Variants in MAPK8 observed in about 807,000 individuals in gnomAD.
MAPK8 encodes mitogen-activated protein kinase 8.
A neutral mutation model predicts 52.9 loss-of-function variants in MAPK8; 13 were observed. The observed-to-expected ratio is 0.25, with a 90% CI of 0.16 to 0.39. The LOEUF (loss-of-function observed/expected upper bound fraction) is 0.39. MAPK8 is among the 10% of genes least tolerant of loss of function. The probability of loss-of-function intolerance (pLI) is 1.00; values close to 1 mark genes in which losing one functional copy is unlikely to be tolerated. For missense variants in MAPK8, 300 were observed against 519.2 expected, an observed-to-expected ratio of 0.58 and a Z score of 4.10; for synonymous variants, 191 against 169.8, an observed-to-expected ratio of 1.12 and a Z score of -0.97.
intron 1 of MAPK8, among the ~76,000 whole-genome samples, chr10:48,353,514 C>G (rs918770437): frequency 1.3e-5 from 2 of 152,158 alleles, no homozygotes; most frequent in Admixed American, 1.3e-4. Context: ...GGTACTGGCA[C>G]AGTTGGATAG....
chr10:48,374,982 A>G (rs556967124), intron 1 of MAPK8, among the ~76,000 whole-genome samples: 2 of 152,346 alleles, frequency 1.3e-5, no homozygotes, highest in Admixed American at 6.5e-5. Flanking sequence ...TGATGTGAAA[A>G]TCCTCAATAA....
In MAPK8 at chr10:48,427,152, G is replaced by A. The variant is rs544623068; in HGVS notation, c.1060+9G>A. 1.6e-5 allele frequency: 26 copies of A among 1,605,020 alleles called. 1 individual carries two copies. Among genetic ancestry groups the A allele is most frequent in the Admixed American group, 1.0e-4 (6 of 59,942 alleles). On this transcript the variant is annotated intron_variant, in intron 10 of 11. Coordinates refer to ENST00000374189, the MANE Select transcript of MAPK8 (RefSeq NM_001323329.2). ...AATAGAAGAGTGGAAAGGTACATTC[G>A]TCAGATTCTTAGAGGGAAAACTGTG...
chr10:48,408,528 A>T (rs1286579078), intron 3 of MAPK8, among the ~76,000 whole-genome samples: 1 of 152,252 alleles, frequency 6.6e-6, no homozygotes, highest in African/African-American at 2.4e-5. Flanking sequence ...GTAATATAGG[A>T]CTTAGCAGGA....
rs1383287345 is a variant in MAPK8, at chr10:48,438,018, T to C, written c.*2989T>C. On this transcript the variant is annotated 3_prime_UTR_variant, in exon 12 of 12. Transcript: ENST00000374189. ...AGACTTGGTTTACACTATTGGCCAGTATCTGCTAAACATATGAAGACTTAA... is the reference window on the plus strand; with the variant it reads ...AGACTTGGTTTACACTATTGGCCAGCATCTGCTAAACATATGAAGACTTAA... 1 of 152,272 alleles carries C rather than the reference T, an allele frequency of 6.6e-6. No homozygotes were observed. Among genetic ancestry groups the C allele is most frequent in the Non-Finnish European group, 1.5e-5 (1 of 68,050 alleles). The allele number at this position is 152,272 out of a possible 1,614,324, so 9.4% of individuals were successfully genotyped here. A position where few individuals can be genotyped will look rare whatever the true frequency, so the allele number is the denominator to read the frequency against.
chr10:48,359,657 A>G (rs1847337257), intron 1 of MAPK8, among the ~76,000 whole-genome samples: 1 of 152,236 alleles, frequency 6.6e-6, no homozygotes, highest in Non-Finnish European at 1.5e-5. Flanking sequence ...ACACCATTGC[A>G]GATCACTAAG....
intron 1 of MAPK8, among the ~76,000 whole-genome samples, chr10:48,311,866 T>G (rs1350385899): frequency 1.3e-5 from 2 of 152,382 alleles, no homozygotes; most frequent in Non-Finnish European, 2.9e-5. Flanking sequence ...GAGATGACAC[T>G]GGTTTTTACT....
intron 1 of MAPK8, among the ~76,000 whole-genome samples, chr10:48,358,423 T>G (rs915156745): frequency 6.6e-6 from 1 of 152,238 alleles, no homozygotes; most frequent in Non-Finnish European, 1.5e-5. Context: ...GTAATGATGT[T>G]GAACATCTTG....
At chr10:48,424,313 C>A (rs1589263939) in intron 7 of MAPK8, among the ~76,000 whole-genome samples, 154 bp downstream of exon 7, 1 of 152,230 alleles carries the variant, frequency 6.6e-6, no homozygotes, top group South Asian at 2.1e-4. Context: ...AGATAAGAAG[C>A]TGAAATATTT....
At chr10:48,416,944 A>G (rs2043098470) in intron 5 of MAPK8, among the ~76,000 whole-genome samples, 2 of 152,036 alleles carry the variant, frequency 1.3e-5, no homozygotes, top group African/African-American at 4.8e-5. Context: ...CTTACCTATA[A>G]AAGATTGGGG....
chr10:48,376,880 G>A (rs1417127971), intron 1 of MAPK8, among the ~76,000 whole-genome samples: 1 of 152,084 alleles, frequency 6.6e-6, no homozygotes, highest in Non-Finnish European at 1.5e-5. Context: ...CATACCCAAA[G>A]GATTATAAAT....
chr10:48,356,346 A>G (rs1418907557), intron 1 of MAPK8, among the ~76,000 whole-genome samples: 1 of 152,218 alleles, frequency 6.6e-6, no homozygotes, highest in Non-Finnish European at 1.5e-5. Context: ...TAGAAGAAAT[A>G]GAGGTAATAA....
At chr10:48,355,564 CA>C (rs964050886) in intron 1 of MAPK8, among the ~76,000 whole-genome samples, 50 of 149,600 alleles carry the variant, frequency 3.3e-4, no homozygotes, top group African/African-American at 1.2e-3. Flanking sequence ...TATATAAACT[CA>C]AAAAAGGAAA....
chr10:48,310,402 T>C (rs2132057630), intron 1 of MAPK8, among the ~76,000 whole-genome samples: 1 of 152,238 alleles, frequency 6.6e-6, no homozygotes, highest in South Asian at 2.1e-4. Flanking sequence ...CCAAAAAAAT[T>C]GTTGAGTTGA....
chr10:48,382,668 A>G (rs1053716287), intron 1 of MAPK8, among the ~76,000 whole-genome samples: 2 of 151,578 alleles, frequency 1.3e-5, no homozygotes, highest in African/African-American at 4.8e-5. Context: ...GGCCAATTCA[A>G]TTTTACGTTA....
intron 4 of MAPK8, 36 bp downstream of exon 4, chr10:48,409,973 C>T: frequency 1.9e-6 from 3 of 1,607,780 alleles, no homozygotes; most frequent in Non-Finnish European, 2.5e-6. Flanking sequence ...TAAGTTAGTA[C>T]ATTTTTCTTA....
chr10:48,401,548 G>C, intron 1 of MAPK8, 64 bp from the exon 2 acceptor site: 1 of 1,063,884 alleles, frequency 9.4e-7, no homozygotes, highest in South Asian at 1.5e-5. Flanking sequence ...AAACAGTAAG[G>C]ACTCAAATTT....
At chr10:48,323,599 T>G (rs1020169355) in intron 1 of MAPK8, among the ~76,000 whole-genome samples, 2 of 152,216 alleles carry the variant, frequency 1.3e-5, no homozygotes, top group Non-Finnish European at 2.9e-5. Flanking sequence ...TGAAAATAAA[T>G]GTAAGGTCTT....
At position 48,435,604 on chromosome 10, in the gene MAPK8, A is replaced by G. The variant is rs2044791409; in HGVS notation, c.*575A>G. On this transcript the variant is annotated 3_prime_UTR_variant, in exon 12 of 12. Transcript: ENST00000374189. Reference sequence around the variant, plus strand: ...AGACCTCCAATATTTGCTACTTGCCAATCCTAATTTAGTTACAAGAATTGG... The same window carrying G: ...AGACCTCCAATATTTGCTACTTGCCGATCCTAATTTAGTTACAAGAATTGG... The G allele has an allele frequency of 6.6e-6, 1 of 152,208 alleles. No homozygotes were observed. The highest frequency in any genetic ancestry group is 1.5e-5 in the Non-Finnish European group (1 of 68,044). 9.4% of individuals were successfully genotyped at this position (152,208 alleles called of 1,614,324 possible). A position where few individuals can be genotyped will look rare whatever the true frequency, so the allele number is the denominator to read the frequency against.
chr10:48,425,392 C>T (rs2043618101), intron 7 of MAPK8: 2 of 442,428 alleles, frequency 4.5e-6, no homozygotes, highest in Non-Finnish European at 8.0e-6. Flanking sequence ...AAGAAAATGC[C>T]ACTTTTATCG....
Sources: allele counts gnomAD v4.1 joint callset (sites outside exome capture counted in the v4.1 genomes callset), GRCh38; gene constraint gnomAD v4.1.1; transcripts MANE v1.5; gene names NCBI Gene and HGNC (gene_info 2026-07-23, HGNC 2026-07-21).